ZNF530: variants seen among roughly 807,000 people sequenced by gnomAD.
ZNF530 encodes the protein zinc finger protein 530.
In ZNF530, 5 loss-of-function variants were observed where a neutral mutation model predicts 2.8. The ratio of observed to expected loss-of-function variants is 1.80; its 90% CI spans 0.94 to 3.78. ZNF530 has a LOEUF of 3.78. Ranked by LOEUF, ZNF530 falls within the 30% of genes most tolerant of loss-of-function variation. The pLI, the probability that ZNF530 is intolerant of heterozygous loss-of-function variation, is 0.00. For synonymous variants in ZNF530, 229 were observed against 235.0 expected (o/e 0.97, Z 0.23); for missense variants, 619 against 673.3 (o/e 0.92, Z 0.89).
rs768776678 is a variant in ZNF530 at position 57,608,252 on chromosome 19, G to C, written c.*927G>C. On this transcript the variant is annotated 3_prime_UTR_variant, in exon 4 of 4. Coordinates refer to ENST00000597700, the MANE Select transcript of ZNF530 (RefSeq NM_001321981.2). The stretch of plus-strand genomic sequence containing the variant: ...TTAACTGGCTTGTGCAATGATAAAG[G>C]CCTTTTGTTTAAGTACCTTTAATCT... 6.6e-6 allele frequency: 1 copy of C among 152,132 alleles called. No homozygotes were observed. The highest frequency in any genetic ancestry group is 1.5e-5 in the Non-Finnish European group (1 of 68,036). The allele number at this position is 152,132 out of a possible 1,614,324, so 9.4% of individuals were successfully genotyped here.
Position 57,606,926 on chromosome 19 carries a change from A to G in ZNF530, c.1302A>G (p.Glu434=). ...HTKTKPYECS[E]CEKSFSCKTD... ...AAACAAAGCCTTATGAGTGCAGTGA[A>G]TGTGAAAAATCATTTAGTTGCAAAA... The change falls in exon 4 of 4, where the codon GAA becomes GAG. Residue 434 remains glutamate, a synonymous_variant. Transcript: ENST00000597700. 4 of 1,614,096 alleles carry G rather than the reference A, an allele frequency of 2.5e-6. No individual in the cohort carries two copies. The highest frequency in any genetic ancestry group is 2.5e-6 in the Non-Finnish European group (3 of 1,179,986).
Position 57,607,347 on chromosome 19 carries a change from CTTTT to C in ZNF530, c.*35_*38del, listed in dbSNP as rs10715037. The C allele has an allele frequency of 9.6e-5, 134 of 1,389,560 alleles. No homozygotes were observed. The highest frequency in any genetic ancestry group is 2.7e-4 in the South Asian group (19 of 71,406). The allele number at this position is 1,389,560 out of a possible 1,614,324, so 86.1% of individuals were successfully genotyped here. A position where few individuals can be genotyped will look rare whatever the true frequency, so the allele number is the denominator to read the frequency against. ...GTGAATGTGGGAAATTATTTTGTCA[CTTTT>C]TTTTTTTTTTTTGAGATGGAATTTT... On this transcript the variant is annotated 3_prime_UTR_variant, in exon 4 of 4. Transcript: ENST00000597700.
chr19:57,602,217 A>G (rs575564896), intron 2 of ZNF530, among the ~76,000 whole-genome samples: 2 of 152,238 alleles, frequency 1.3e-5, no homozygotes, highest in East Asian at 3.9e-4. Flanking sequence ...TTTTCCTCAC[A>G]TGGCCTTTCC....
Position 57,599,892 on chromosome 19 carries a change from C to T in ZNF530, c.-364C>T, listed in dbSNP as rs1478443334. The T allele has an allele frequency of 1.2e-5, 6 of 505,388 alleles. No homozygotes were observed. The highest frequency in any genetic ancestry group is 6.7e-5 in the South Asian group (2 of 29,652). The allele number at this position is 505,388 out of a possible 1,614,324, so 31.3% of individuals were successfully genotyped here. ...TGTCCAACTTGTCGGAGCGGAACTT[C>T]CGGCGTCCTCCCTGTGGCGGGCACT... On this transcript the variant is annotated 5_prime_UTR_variant, in exon 1 of 4. Coordinates refer to ENST00000597700, the MANE Select transcript of ZNF530 (RefSeq NM_001321981.2).
Position 57,607,344 on chromosome 19 carries a change from T to A in ZNF530, c.*19T>A. ...GCAGTGAATGTGGGAAATTATTTTGTCACTTTTTTTTTTTTTTTTGAGATG... is the reference window on the plus strand; with the variant it reads ...GCAGTGAATGTGGGAAATTATTTTGACACTTTTTTTTTTTTTTTTGAGATG... On this transcript the variant is annotated 3_prime_UTR_variant, in exon 4 of 4. Transcript: ENST00000597700. The A allele has an allele frequency of 4.0e-6, 6 of 1,514,286 alleles. No homozygotes were observed. Among genetic ancestry groups the A allele is most frequent in the Non-Finnish European group, 3.5e-6 (4 of 1,143,654 alleles). The allele number at this position is 1,514,286 out of a possible 1,614,324, so 93.8% of individuals were successfully genotyped here.
In ZNF530 at chr19:57,607,678, GAAGA is replaced by G. The variant is rs1413920078; in HGVS notation, c.*357_*360del. 4.2e-6 allele frequency: 1 copy of G among 237,564 alleles called. No individual in the cohort carries two copies. 14.7% of individuals were successfully genotyped at this position (237,564 alleles called of 1,614,324 possible). A position where few individuals can be genotyped will look rare whatever the true frequency, so the allele number is the denominator to read the frequency against. On this transcript the variant is annotated 3_prime_UTR_variant, in exon 4 of 4. Coordinates refer to ENST00000597700, the MANE Select transcript of ZNF530 (RefSeq NM_001321981.2). ...GACATTTAACACAAGATTTCCCAAA[GAAGA>G]AAGGCCTTATATATGCTGTGAATGT...
chr19:57,600,172 C>G (rs370938396), intron 1 of ZNF530, 38 bp downstream of exon 1: 13 of 1,551,838 alleles, frequency 8.4e-6, no homozygotes, highest in Non-Finnish European at 1.1e-5. Flanking sequence ...CTGCCCTCCC[C>G]ACCCGAAACT....
rs527728350 is a variant in ZNF530, at chr19:57,604,415, C to T, written c.61+9C>T. 1 of 1,610,788 alleles carries T rather than the reference C, an allele frequency of 6.2e-7. No individual in the cohort carries two copies. Among genetic ancestry groups the T allele is most frequent in the African/African-American group, 1.3e-5 (1 of 74,794 alleles). On this transcript the variant is annotated intron_variant, in intron 3 of 3. Transcript: ENST00000597700. ...AGTTATGGCATCCCTAGGTAAGGCC[C>T]TCCTATTCCTCCCAGTTTCCTTTGT... is the stretch of plus-strand genomic sequence containing the variant.
chr19:57,604,872 G>A (rs1980419424), intron 3 of ZNF530: 1 of 163,520 alleles, frequency 6.1e-6, no homozygotes, highest in Non-Finnish European at 1.3e-5. Flanking sequence ...CATGTGCTGA[G>A]TTGCTCTGTG....
chr19:57,604,474 T>C, intron 3 of ZNF530, 68 bp downstream of exon 3: 1 of 1,552,274 alleles, frequency 6.4e-7, no homozygotes. Context: ...CTGAGGCAGC[T>C]CTGTCCTTTC....
Position 57,607,673 on chromosome 19 carries a change from C to A in ZNF530, c.*348C>A. On this transcript the variant is annotated 3_prime_UTR_variant, in exon 4 of 4. Coordinates refer to ENST00000597700, the MANE Select transcript of ZNF530 (RefSeq NM_001321981.2). ...GTTGTGACATTTAACACAAGATTTC[C>A]CAAAGAAGAAAGGCCTTATATATGC... is the stretch of plus-strand genomic sequence containing the variant. The A allele has an allele frequency of 9.0e-6, 2 of 222,528 alleles. No homozygotes were observed. Among genetic ancestry groups the A allele is most frequent in the Non-Finnish European group, 1.8e-5 (2 of 113,176 alleles). The allele number at this position is 222,528 out of a possible 1,614,324, so 13.8% of individuals were successfully genotyped here.
intron 1 of ZNF530, among the ~76,000 whole-genome samples, chr19:57,600,387 G>A (rs1409391469): frequency 3.3e-5 from 5 of 152,236 alleles, no homozygotes; most frequent in African/African-American, 1.2e-4. Flanking sequence ...GTAGCAGAGG[G>A]TGGGGCAGCG....
chr19:57,606,336 G>A lies in ZNF530; in HGVS notation c.712G>A (p.Glu238Lys), dbSNP rs927366566. The A allele has an allele frequency of 1.2e-6, 2 of 1,614,102 alleles. No individual in the cohort carries two copies. The highest frequency in any genetic ancestry group is 2.7e-5 in the African/African-American group (2 of 74,930). Reference protein sequence around the residue: ...HGRTRTHECSECGKSFSRKTH... With the variant: ...HGRTRTHECSKCGKSFSRKTH... ...TAGAACAAGGACTCATGAATGTAGTGAATGTGGGAAATCATTTAGTCGCAA... is the reference window on the plus strand; with the variant it reads ...TAGAACAAGGACTCATGAATGTAGTAAATGTGGGAAATCATTTAGTCGCAA... Residue 238 changes from glutamate to lysine, a missense_variant, in exon 4 of 4, where the codon GAA becomes AAA. Physicochemically the swap from Glu to Lys is moderately conservative, Grantham distance 56 (BLOSUM62 1). Coordinates refer to ENST00000597700, the MANE Select transcript of ZNF530 (RefSeq NM_001321981.2).
At chr19:57,600,453 A>G (rs1414354672) in intron 1 of ZNF530, among the ~76,000 whole-genome samples, 1 of 152,226 alleles carries the variant, frequency 6.6e-6, no homozygotes, top group African/African-American at 2.4e-5. Context: ...CACAGCGCGT[A>G]GGACAGAAGA....
At position 57,607,222 on chromosome 19, in the gene ZNF530, A is replaced by G. The variant is rs749513124; in HGVS notation, c.1598A>G (p.Lys533Arg). 1.9e-6 allele frequency: 3 copies of G among 1,613,924 alleles called. No individual in the cohort carries two copies. Among genetic ancestry groups the G allele is most frequent in the Middle Eastern group, 1.6e-4 (1 of 6,084 alleles). ...FTRKNHLIQH[K>R]TVHTGERPYE... ...CGCAAAAATCACCTCATTCAACACAAGACAGTTCACACTGGAGAAAGGCCT... is the reference window on the plus strand; with the variant it reads ...CGCAAAAATCACCTCATTCAACACAGGACAGTTCACACTGGAGAAAGGCCT... Residue 533 changes from lysine (K) to arginine (R), a missense_variant, in exon 4 of 4, where the codon AAG becomes AGG. Coordinates refer to ENST00000597700, the MANE Select transcript of ZNF530 (RefSeq NM_001321981.2).
Position 57,605,873 on chromosome 19 carries a change from GA to G in ZNF530, c.252del (p.Lys84AsnfsTer13), listed in dbSNP as rs777403523. The G allele has an allele frequency of 6.2e-7, 1 of 1,614,194 alleles. No homozygotes were observed. The highest frequency in any genetic ancestry group is 8.5e-7 in the Non-Finnish European group (1 of 1,180,032). On this transcript the variant is annotated frameshift_variant, in exon 4 of 4. Coordinates refer to ENST00000597700, the MANE Select transcript of ZNF530 (RefSeq NM_001321981.2). LOFTEE classifies it low-confidence loss of function (END_TRUNC). ...AGCTCCATGCCTCACCCTGTGGACA[GA>G]AATTGTACTTGGGTGGAGCATCAAG... ...IELHASPCGQ[K>X]LYLGGASRDF...
In ZNF530 at chr19:57,607,883, T is replaced by TA. The variant is rs1239315881; in HGVS notation, c.*559dup. On this transcript the variant is annotated 3_prime_UTR_variant, in exon 4 of 4. Coordinates refer to ENST00000597700, the MANE Select transcript of ZNF530 (RefSeq NM_001321981.2). ...ACTCTCTAAACCTGCCCAGGGACCT[T>TA]ACCAGATTCGTGTCACTGCCAGTTT... The TA allele has an allele frequency of 6.5e-6, 1 of 154,600 alleles. No individual in the cohort carries two copies. The highest frequency in any genetic ancestry group is 1.4e-5 in the Non-Finnish European group (1 of 69,740). The allele number at this position is 154,600 out of a possible 1,614,324, so 9.6% of individuals were successfully genotyped here.
At position 57,606,709 on chromosome 19, in the gene ZNF530, T is replaced by C. The variant is rs763487253; in HGVS notation, c.1085T>C (p.Ile362Thr). 1.5e-5 allele frequency: 24 copies of C among 1,613,504 alleles called. No homozygotes were observed. The Admixed American group carries it at 3.2e-4, about 21-fold the overall frequency. Residue 362 changes from isoleucine to threonine, a missense_variant, in exon 4 of 4, where the codon ATT becomes ACT. Ile to Thr is a moderately conservative substitution (Grantham distance 89). Coordinates refer to ENST00000597700, the MANE Select transcript of ZNF530 (RefSeq NM_001321981.2). ...GCATTTAGTTGCAATATCTACCTTA[T>C]TCACCACCAAAGATTTCACACTGGA... ...GKAFSCNIYL[I>T]HHQRFHTGER... is the part of the protein sequence containing the mutation.
In ZNF530 at chr19:57,609,550, G is replaced by C. The variant is rs935530896; in HGVS notation, c.*2225G>C. Among the ~76,000 whole-genome samples the C allele has an allele frequency of 2.6e-5, 4 of 152,212 alleles. No homozygotes were observed. The highest frequency in any genetic ancestry group is 9.6e-5 in the African/African-American group (4 of 41,454). The stretch of plus-strand genomic sequence containing the variant: ...AGTAATCCTAGCTACTCAGGAGACA[G>C]GCAGAAGAATCTCTTGAACCTGGGA... On this transcript the variant is annotated 3_prime_UTR_variant, in exon 4 of 4. Coordinates refer to ENST00000597700, the MANE Select transcript of ZNF530 (RefSeq NM_001321981.2).
Sources: allele counts gnomAD v4.1 joint callset (sites outside exome capture counted in the v4.1 genomes callset), GRCh38; gene constraint gnomAD v4.1.1; transcripts MANE v1.5; gene names NCBI Gene and HGNC (gene_info 2026-07-23, HGNC 2026-07-21).